Variants in TNRC6A observed in about 807,000 individuals in gnomAD.
TNRC6A encodes trinucleotide repeat containing adaptor 6A, also known as trinucleotide repeat-containing gene 6A protein.
A neutral mutation model predicts 221.2 loss-of-function variants in TNRC6A; 44 were observed. That is an observed-to-expected ratio of 0.20 (90% CI 0.16 to 0.26). TNRC6A has a LOEUF of 0.26. TNRC6A is among the 10% of genes least tolerant of loss of function. The pLI is 1.00. For missense variants in TNRC6A, 2,199 were observed against 2,404.4 expected (o/e 0.91, Z 1.79); for synonymous variants, 847 against 838.5 (o/e 1.01, Z -0.18).
chr16:24,708,671 C>A (rs1456740797), intron 2 of TNRC6A, among the ~76,000 whole-genome samples: 2 of 152,030 alleles, frequency 1.3e-5, no homozygotes, highest in African/African-American at 4.8e-5. Context: ...CCTTCGAGTC[C>A]CCAGAGTCCA....
At chr16:24,610,913 C>A (rs569152939) in intron 1 of TNRC6A, among the ~76,000 whole-genome samples, 154 of 152,184 alleles carry the variant, frequency 1.0e-3, no homozygotes, top group Admixed American at 2.0e-3. Flanking sequence ...CGGGTTCAAG[C>A]GATTCTCCTG....
intron 15 of TNRC6A, 66 bp from the exon 16 acceptor site, chr16:24,806,140 G>T (rs939437883): frequency 1.9e-6 from 3 of 1,582,066 alleles, no homozygotes; most frequent in African/African-American, 2.7e-5. Context: ...ATCTGCTGTC[G>T]TCATTTGGAA....
At chr16:24,729,036 G>C (rs1416050485), upstream of TNRC6A, among the ~76,000 whole-genome samples, 1 of 152,034 alleles carries the variant, frequency 6.6e-6, no homozygotes, top group East Asian at 1.9e-4. Flanking sequence ...TTAGTATCTC[G>C]AAGGTGAAAT....
rs1278434023 is a variant in TNRC6A at position 24,729,683 on chromosome 16, G to A, written c.-159G>A. The A allele has an allele frequency of 5.3e-5, 40 of 750,108 alleles. 1 individual carries two copies. Among genetic ancestry groups the A allele is most frequent in the Non-Finnish European group, 6.7e-5 (38 of 565,104 alleles). The allele number at this position is 750,108 out of a possible 1,614,324, so 46.5% of individuals were successfully genotyped here. A position where few individuals can be genotyped will look rare whatever the true frequency, so the allele number is the denominator to read the frequency against. ...GTCTGGGGCCTGCGGCGGCGGCGGT[G>A]TCGGCGGCGGCGGCGGCGGCGGCGG... On this transcript the variant is annotated 5_prime_UTR_variant, in exon 1 of 25. Transcript: ENST00000395799.
chr16:24,657,339 AAAAC>A (rs1385510848), intron 2 of TNRC6A, among the ~76,000 whole-genome samples: 22 of 126,774 alleles, frequency 1.7e-4, no homozygotes, highest in African/African-American at 4.8e-4. Context: ...AAAAAAAAAA[AAAAC>A]AAACAAACAA....
Position 24,815,383 on chromosome 16 carries a change from T to C in TNRC6A, c.4831+78T>C, listed in dbSNP as rs1349268866. 12 of 1,523,106 alleles carry C rather than the reference T, an allele frequency of 7.9e-6. No homozygotes were observed. The East Asian group carries it at 1.9e-4, about 24-fold the overall frequency. 94.3% of individuals were successfully genotyped at this position (1,523,106 alleles called of 1,614,324 possible). A position where few individuals can be genotyped will look rare whatever the true frequency, so the allele number is the denominator to read the frequency against. ...TTGTTACATCTGGACTTACTACTGA[T>C]GTAGCCCAGATCGGCGTGCTTAGAC... is the stretch of plus-strand genomic sequence containing the variant. On this transcript the variant is annotated intron_variant, in intron 19 of 24. Coordinates refer to ENST00000395799, the MANE Select transcript of TNRC6A (RefSeq NM_014494.4).
At chr16:24,685,107 A>C (rs1223675794) in intron 2 of TNRC6A, among the ~76,000 whole-genome samples, 3 of 152,148 alleles carry the variant, frequency 2.0e-5, no homozygotes, top group Non-Finnish European at 4.4e-5. Flanking sequence ...CTCTCTCTGA[A>C]CTGGAAGCAC....
chr16:24,640,228 T>C lies in TNRC6A; in HGVS notation n.277-656T>C, dbSNP rs115380272. On this transcript the variant is annotated intron_variant and non_coding_transcript_variant, in intron 1 of 2. Coordinates refer to the TNRC6A transcript ENST00000566108. ...CAGCCTGAGCAACATAGGGAGACTC[T>C]GCCTCTGCAAAAAATACAAAAATTA... Among the ~76,000 whole-genome samples, 1,368 of 151,934 alleles carry C rather than the reference T, an allele frequency of 9.0e-3. 18 individuals carry two copies. The highest frequency in any genetic ancestry group is 0.031 in the African/African-American group (1,297 of 41,440).
chr16:24,803,855 C>G, intron 11 of TNRC6A: 2 of 219,210 alleles, frequency 9.1e-6, no homozygotes, highest in South Asian at 7.7e-5. Flanking sequence ...GAGCCGAGAT[C>G]CCACCACTGC....
At chr16:24,709,116 G>A (rs1223362802) in intron 2 of TNRC6A, among the ~76,000 whole-genome samples, 1 of 152,130 alleles carries the variant, frequency 6.6e-6, no homozygotes, top group East Asian at 1.9e-4. Flanking sequence ...AATTAGCCGG[G>A]CGTGGTGGTG....
intron 2 of TNRC6A, among the ~76,000 whole-genome samples, chr16:24,659,475 G>A (rs1480507433): frequency 6.6e-6 from 1 of 152,022 alleles, no homozygotes; most frequent in Non-Finnish European, 1.5e-5. Flanking sequence ...TGTTGGTCTT[G>A]CTCTGTTACC....
At chr16:24,778,794 A>AAGT (rs755879879) in intron 5 of TNRC6A, among the ~76,000 whole-genome samples, 6 of 152,182 alleles carry the variant, frequency 3.9e-5, no homozygotes, top group Non-Finnish European at 7.3e-5. Context: ...ATCTAATGCC[A>AAGT]AGTAGTAGGC....
intron 2 of TNRC6A, among the ~76,000 whole-genome samples, chr16:24,712,301 G>A (rs55995793): frequency 0.05 from 7,619 of 152,232 alleles, 291 homozygotes; most frequent in Middle Eastern, 0.078. Context: ...CACCACACCC[G>A]GCTGCTGTAA....
At chr16:24,763,229 G>GTT (rs149704792) in intron 4 of TNRC6A, among the ~76,000 whole-genome samples, 1 of 152,046 alleles carries the variant, frequency 6.6e-6, no homozygotes, top group Non-Finnish European at 1.5e-5. Flanking sequence ...CGTTCAAAGT[G>GTT]TTTTTTTGCT....
intron 1 of TNRC6A, among the ~76,000 whole-genome samples, chr16:24,622,655 C>T (rs1234585935): frequency 6.6e-6 from 1 of 152,126 alleles, no homozygotes; most frequent in African/African-American, 2.4e-5. Context: ...CAGATGCAAG[C>T]CATGCTGTTT....
intron 2 of TNRC6A, among the ~76,000 whole-genome samples, chr16:24,705,333 A>AT (rs113333291): frequency 0.043 from 6,127 of 143,312 alleles, 362 homozygotes; most frequent in African/African-American, 0.13. Context: ...TATTAGATGA[A>AT]TTTTTTTTTT....
At chr16:24,765,009 C>G (rs936881488) in intron 4 of TNRC6A, among the ~76,000 whole-genome samples, 1 of 152,032 alleles carries the variant, frequency 6.6e-6, no homozygotes, top group Admixed American at 6.5e-5. Flanking sequence ...TTGTACTGTT[C>G]TCGCCTATTT....
intron 2 of TNRC6A, among the ~76,000 whole-genome samples, chr16:24,705,249 C>T (rs1342875881): frequency 6.6e-6 from 1 of 152,098 alleles, no homozygotes; most frequent in Non-Finnish European, 1.5e-5. Flanking sequence ...ATGCATGGCA[C>T]ATCTAGAATT....
rs113640668 is a variant in TNRC6A at position 24,822,677 on chromosome 16, G to T, written c.5374-197G>T. On this transcript the variant is annotated intron_variant, in intron 23 of 24. Coordinates refer to ENST00000395799, the MANE Select transcript of TNRC6A (RefSeq NM_014494.4). The stretch of plus-strand genomic sequence containing the variant: ...TGTCCAGGAGTCTAGAGGCCAGAGC[G>T]GTATGGCTCTGGGAGCAGTGGAGGT... Among the ~76,000 whole-genome samples the T allele has an allele frequency of 5.4e-3, 828 of 152,222 alleles. 9 individuals are homozygous for T. Among genetic ancestry groups the T allele is most frequent in the Middle Eastern group, 0.01 (3 of 294 alleles).
Sources: allele counts gnomAD v4.1 joint callset (sites outside exome capture counted in the v4.1 genomes callset), GRCh38; gene constraint gnomAD v4.1.1; transcripts MANE v1.5; gene names NCBI Gene and HGNC (gene_info 2026-07-23, HGNC 2026-07-21).